The following CDH11 variants were observed in gnomAD, a reference collection of about 807,000 sequenced individuals.
CDH11 encodes the protein cadherin-11.
In CDH11, 11 loss-of-function variants were observed where a neutral mutation model predicts 67.8. The ratio of observed to expected loss-of-function variants is 0.16; its 90% confidence interval spans 0.10 to 0.27. The LOEUF (loss-of-function observed/expected upper bound fraction) is 0.27, where lower values mean the gene tolerates loss of function less well. Ranked by LOEUF, CDH11 falls within the 10% of genes least tolerant of loss-of-function variation. The probability of loss-of-function intolerance (pLI) is 1.00; values close to 1 mark genes in which losing one functional copy is unlikely to be tolerated. For synonymous variants in CDH11, 419 were observed against 400.0 expected (o/e 1.05, Z -0.57); for missense variants, 847 against 1,031.2 (o/e 0.82, Z 2.45).
chr16:65,045,450 AC>A (rs1322293330), intron 2 of CDH11, among the ~76,000 whole-genome samples: 1 of 148,972 alleles, frequency 6.7e-6, no homozygotes, highest in Non-Finnish European at 1.5e-5. Context: ...AGATAAACTC[AC>A]TAGCCCTGCC....
At position 65,068,217 on chromosome 16, in the gene CDH11, G is replaced by A. The variant is rs2074353030; in HGVS notation, c.-297-14289C>T. Reference sequence around the variant, plus strand: ...ATGAGAGAAGAAGGGAAAGAGGAAGGGAAAGAGGGAAGGAGGGAGGAAGGG... The same window carrying A: ...ATGAGAGAAGAAGGGAAAGAGGAAGAGAAAGAGGGAAGGAGGGAGGAAGGG... On this transcript the variant is annotated intron_variant, in intron 1 of 12. Coordinates refer to ENST00000268603, the MANE Select transcript of CDH11 (RefSeq NM_001797.4). Among the ~76,000 whole-genome samples, 3 of 146,904 alleles carry A rather than the reference G, an allele frequency of 2.0e-5. No individual in the cohort carries two copies. In the South Asian group the frequency reaches 6.7e-4, roughly 33 times the overall value.
rs2072007018 is a variant in CDH11, at chr16:64,971,611, T to C, written c.1610A>G (p.His537Arg). The C allele has an allele frequency of 6.2e-7, 1 of 1,613,122 alleles. No homozygotes were observed. The highest frequency in any genetic ancestry group is 8.5e-7 in the Non-Finnish European group (1 of 1,179,506). ...FIFSLPPEIIHNPNFTVRDNR... is the reference protein window; with the variant it reads ...FIFSLPPEIIRNPNFTVRDNR... Reference sequence around the variant, plus strand: ...GTCTCTGACTGTGAAATTTGGATTGTGAATGATTTCAGGGGGTAGGCTGAA... The same window carrying C: ...GTCTCTGACTGTGAAATTTGGATTGCGAATGATTTCAGGGGGTAGGCTGAA... The change falls in exon 11 of 13, where the codon CAC becomes CGC. Residue 537 changes from histidine to arginine, a missense_variant. Coordinates refer to ENST00000268603, the MANE Select transcript of CDH11 (RefSeq NM_001797.4).
intron 2 of CDH11, among the ~76,000 whole-genome samples, chr16:65,051,129 C>T (rs1463080706): frequency 6.6e-6 from 1 of 152,098 alleles, no homozygotes; most frequent in East Asian, 1.9e-4. Flanking sequence ...CATTCTGGTG[C>T]GTTTGTAGGG....
intron 8 of CDH11, among the ~76,000 whole-genome samples, chr16:64,980,646 T>A (rs2072309044): frequency 6.6e-6 from 1 of 152,198 alleles, no homozygotes; most frequent in Non-Finnish European, 1.5e-5. Context: ...AAGAAGTTTT[T>A]TAAACTAAGT....
chr16:64,992,018 T>C (rs1382428391), intron 5 of CDH11, 83 bp from the exon 6 acceptor site: 1 of 994,930 alleles, frequency 1.0e-6, no homozygotes, highest in Non-Finnish European at 1.5e-6. Flanking sequence ...GAGGAAGCAA[T>C]GCTGAATAAA....
chr16:64,950,635 CTT>C, intron 12 of CDH11, 130 bp downstream of exon 12: 2 of 1,097,938 alleles, frequency 1.8e-6, no homozygotes, highest in South Asian at 1.7e-5. Context: ...CCGTACCCCA[CTT>C]CTTTTCTTGA....
intron 1 of CDH11, among the ~76,000 whole-genome samples, chr16:65,102,098 T>G (rs2075001629): frequency 6.6e-6 from 1 of 152,232 alleles, no homozygotes; most frequent in Admixed American, 6.5e-5. Context: ...TTCTTTGTTT[T>G]GCCCAATGAT....
At chr16:64,972,862 T>C (rs1216850526) in intron 9 of CDH11, 42 bp downstream of exon 9, 1 of 1,605,520 alleles carries the variant, frequency 6.2e-7, no homozygotes, top group East Asian at 2.2e-5. Flanking sequence ...GAAGCGATAA[T>C]ACTTGGTAAA....
At chr16:64,973,145 C>A (rs2072060869) in intron 8 of CDH11, 105 bp from the exon 9 acceptor site, 2 of 1,080,466 alleles carry the variant, frequency 1.9e-6, no homozygotes, top group South Asian at 1.5e-5. Context: ...CAATGAATTA[C>A]TTAAGCTAGA....
At chr16:65,025,416 C>A (rs1021112536) in intron 2 of CDH11, among the ~76,000 whole-genome samples, 2 of 152,176 alleles carry the variant, frequency 1.3e-5, no homozygotes. Flanking sequence ...GGCTTCACTG[C>A]AACCTCTGCT....
intron 7 of CDH11, 80 bp from the exon 8 acceptor site, chr16:64,982,381 A>T: frequency 1.8e-6 from 2 of 1,095,082 alleles, no homozygotes; most frequent in South Asian, 3.0e-5. Flanking sequence ...TTTTATAGGG[A>T]CGAGTGAATA....
At chr16:65,077,284 G>C (rs1260305891) in intron 1 of CDH11, among the ~76,000 whole-genome samples, 1 of 152,188 alleles carries the variant, frequency 6.6e-6, no homozygotes, top group Non-Finnish European at 1.5e-5. Context: ...GTGAGTATAA[G>C]CATCTTTACT....
chr16:65,083,052 G>T (rs2074637781), intron 1 of CDH11, among the ~76,000 whole-genome samples: 1 of 152,182 alleles, frequency 6.6e-6, no homozygotes, highest in East Asian at 1.9e-4. Context: ...TATTGAGTAG[G>T]AATCCCATGA....
chr16:65,029,048 TG>T (rs2073587902), intron 2 of CDH11, among the ~76,000 whole-genome samples: 1 of 152,186 alleles, frequency 6.6e-6, no homozygotes, highest in Non-Finnish European at 1.5e-5. Context: ...AATACTGCAC[TG>T]TACACTTAAA....
chr16:65,122,322 C>G (rs2142908589), upstream of CDH11: 1 of 299,198 alleles, frequency 3.3e-6, no homozygotes, highest in Non-Finnish European at 6.3e-6. Flanking sequence ...CCCTCCCGCC[C>G]CGTGGCGCGG....
intron 1 of CDH11, among the ~76,000 whole-genome samples, chr16:65,106,543 A>G (rs1421945142): frequency 6.6e-6 from 1 of 152,184 alleles, no homozygotes; most frequent in African/African-American, 2.4e-5. Flanking sequence ...ATTAATATGC[A>G]TTAGAGAAGC....
At chr16:65,020,796 A>T (rs35263777) in intron 2 of CDH11, among the ~76,000 whole-genome samples, 76,866 of 151,994 alleles carry the variant, frequency 0.51, 19,850 homozygotes, top group East Asian at 0.78. Context: ...AACAAATACA[A>T]ATAGACAGAA....
chr16:65,110,714 T>C (rs1010186431), intron 1 of CDH11, among the ~76,000 whole-genome samples: 1 of 151,256 alleles, frequency 6.6e-6, no homozygotes, highest in African/African-American at 2.4e-5. Flanking sequence ...GGGGATTTGG[T>C]GCTGAGTTGG....
chr16:65,006,474 A>G (rs1320206708), intron 2 of CDH11, among the ~76,000 whole-genome samples: 1 of 152,188 alleles, frequency 6.6e-6, no homozygotes, highest in East Asian at 1.9e-4. Context: ...TACCACTTCC[A>G]TATTTTACAA....
Sources: gnomAD v4.1 joint callset for allele counts (sites outside exome capture counted in the v4.1 genomes callset) on GRCh38, gnomAD v4.1.1 for gene constraint, MANE v1.5 for transcripts, NCBI Gene and HGNC (gene_info 2026-07-23, HGNC 2026-07-21) for gene names.